Variants in GRID2 observed in about 807,000 individuals in gnomAD.
GRID2 encodes glutamate receptor ionotropic, delta-2.
In GRID2, 33 loss-of-function variants were observed where a neutral mutation model predicts 114.8. The observed-to-expected ratio is 0.29, with a 90% CI of 0.22 to 0.38. The LOEUF is 0.38. GRID2 is among the 10% of genes least tolerant of loss of function. GRID2 has a pLI of 1.00. For missense variants in GRID2, 1,184 were observed against 1,257.7 expected (o/e 0.94, Z 0.89); for synonymous variants, 505 against 449.9 (o/e 1.12, Z -1.55).
In GRID2 at chr4:92,486,584, C is replaced by T. The variant is rs1345707728; in HGVS notation, c.89-103547C>T. 4.0e-5 allele frequency among the ~76,000 whole-genome samples: 6 copies of T among 149,118 alleles called. No homozygotes were observed. In the South Asian group the frequency reaches 1.3e-3, roughly 31 times the overall value. On this transcript the variant is annotated intron_variant, in intron 1 of 15. Coordinates refer to ENST00000282020, the MANE Select transcript of GRID2 (RefSeq NM_001510.4). ...ACACACACACACACACACACACACA[C>T]ACACACAAACACAGATAATATAGTA...
At chr4:92,800,438 T>C (rs1490141222) in intron 2 of GRID2, among the ~76,000 whole-genome samples, 2 of 151,920 alleles carry the variant, frequency 1.3e-5, no homozygotes, top group African/African-American at 4.8e-5. Context: ...GGTTGTAGAT[T>C]GACACAACAT....
rs1161815489 is a variant in GRID2, at chr4:93,455,700, A to G, written c.1584A>G (p.Pro528=). The change falls in exon 11 of 16, where the codon CCA becomes CCG. Residue 528 remains proline (P), a synonymous_variant. Coordinates refer to ENST00000282020, the MANE Select transcript of GRID2 (RefSeq NM_001510.4). ...DIGISALTIT[P]DRENVVDFTT... ...GGATTTCTGCTTTAACCATCACTCC[A>G]GATCGTGAAAATGTGGTGGACTTTA... The G allele has an allele frequency of 1.2e-6, 2 of 1,613,134 alleles. No homozygotes were observed. Among genetic ancestry groups the G allele is most frequent in the South Asian group, 2.2e-5 (2 of 91,058 alleles).
intron 1 of GRID2, among the ~76,000 whole-genome samples, chr4:93,804,987 G>T (rs1252778968): frequency 6.6e-6 from 1 of 152,098 alleles, no homozygotes; most frequent in Non-Finnish European, 1.5e-5. Context: ...GCCTATCCAG[G>T]GCAGACTTTA....
intron 14 of GRID2, among the ~76,000 whole-genome samples, chr4:93,729,439 G>A (rs968966272): frequency 5.9e-5 from 9 of 151,982 alleles, no homozygotes; most frequent in African/African-American, 2.2e-4. Context: ...CAACAGTGTC[G>A]TATGTCTTCT....
chr4:93,461,206 G>C (rs190218537), intron 11 of GRID2, among the ~76,000 whole-genome samples: 1 of 152,038 alleles, frequency 6.6e-6, no homozygotes, highest in East Asian at 1.9e-4. Flanking sequence ...ATGCTGAATC[G>C]CATATGATTA....
chr4:92,570,739 G>C (rs1033527678), intron 1 of GRID2, among the ~76,000 whole-genome samples: 2 of 151,952 alleles, frequency 1.3e-5, no homozygotes, highest in Admixed American at 1.3e-4. Flanking sequence ...TTTGTGATTT[G>C]GTGCTCAGCT....
intron 2 of GRID2, among the ~76,000 whole-genome samples, chr4:92,678,639 G>A (rs542219651): frequency 1.3e-5 from 2 of 150,106 alleles, no homozygotes; most frequent in Admixed American, 6.7e-5. Flanking sequence ...ATAAATTGAT[G>A]AGCACCTTAA....
chr4:92,684,076 T>C lies in GRID2; in HGVS notation c.244+93790T>C, dbSNP rs1733783053. On this transcript the variant is annotated intron_variant, in intron 2 of 15. Coordinates refer to ENST00000282020, the MANE Select transcript of GRID2 (RefSeq NM_001510.4). ...TCTTTTAAAATAAATATAAAAGGTT[T>C]AGAAAATTTGATGTACTAGCAAGTA... is the stretch of plus-strand genomic sequence containing the variant. Among the ~76,000 whole-genome samples, 6 of 152,028 alleles carry C rather than the reference T, an allele frequency of 3.9e-5. No homozygotes were observed. In the South Asian group the frequency reaches 1.2e-3, roughly 31 times the overall value.
chr4:92,725,303 G>A (rs1736017473), intron 2 of GRID2, among the ~76,000 whole-genome samples: 1 of 152,030 alleles, frequency 6.6e-6, no homozygotes, highest in Non-Finnish European at 1.5e-5. Flanking sequence ...CACTGTCTCA[G>A]AATAAGGGAA....
intron 2 of GRID2, among the ~76,000 whole-genome samples, chr4:92,833,037 G>A (rs1742225177): frequency 6.6e-6 from 1 of 152,142 alleles, no homozygotes; most frequent in African/African-American, 2.4e-5. Context: ...AATAAGGCAT[G>A]TCCAACAGTT....
intron 8 of GRID2, among the ~76,000 whole-genome samples, chr4:93,278,512 G>A (rs543405910): frequency 5.9e-5 from 9 of 152,060 alleles, no homozygotes; most frequent in African/African-American, 2.2e-4. Context: ...GGAAGAAATG[G>A]TGACACAGGA....
intron 12 of GRID2, among the ~76,000 whole-genome samples, chr4:93,503,103 GA>G (rs2149476404): frequency 6.6e-6 from 1 of 152,238 alleles, no homozygotes; most frequent in African/African-American, 2.4e-5. Flanking sequence ...ACCTACTTGA[GA>G]ATAGAGGATA....
At chr4:92,661,109 G>A (rs1168669849) in intron 2 of GRID2, among the ~76,000 whole-genome samples, 2 of 150,844 alleles carry the variant, frequency 1.3e-5, no homozygotes, top group East Asian at 2.0e-4. Flanking sequence ...GTATGGAGGC[G>A]TTATTCGCAT....
At chr4:93,023,123 G>GTGTGTA (rs1553968150) in intron 2 of GRID2, among the ~76,000 whole-genome samples, 1 of 147,120 alleles carries the variant, frequency 6.8e-6, no homozygotes, top group Non-Finnish European at 1.5e-5. Context: ...GTGTGTGTGT[G>GTGTGTA]TGTATGTATG....
intron 7 of GRID2, among the ~76,000 whole-genome samples, chr4:93,235,598 C>T (rs558405339): frequency 1.1e-4 from 17 of 152,112 alleles, no homozygotes; most frequent in African/African-American, 3.9e-4. Flanking sequence ...TTTATTTGCT[C>T]GAAATACTGA....
chr4:92,343,695 TC>T (rs990331159), intron 1 of GRID2, among the ~76,000 whole-genome samples: 1 of 152,058 alleles, frequency 6.6e-6, no homozygotes, highest in African/African-American at 2.4e-5. Flanking sequence ...TGCCTCATCC[TC>T]CCGAGTAGTT....
At chr4:93,485,657 T>C (rs1001443870) in intron 11 of GRID2, among the ~76,000 whole-genome samples, 1 of 151,788 alleles carries the variant, frequency 6.6e-6, no homozygotes, top group African/African-American at 2.4e-5. Flanking sequence ...GTACATACTT[T>C]AGTGCCAGCT....
At chr4:93,459,180 C>CAAAAAAAA (rs57937928) in intron 11 of GRID2, among the ~76,000 whole-genome samples, 2 of 50,042 alleles carry the variant, frequency 4.0e-5, no homozygotes, top group Non-Finnish European at 7.0e-5. Context: ...AACTCCATCT[C>CAAAAAAAA]AAAAAAAAAA....
At chr4:93,054,896 G>A (rs778593248) in intron 2 of GRID2, among the ~76,000 whole-genome samples, 1 of 151,508 alleles carries the variant, frequency 6.6e-6, no homozygotes, top group African/African-American at 2.4e-5. Flanking sequence ...CTTACAACTA[G>A]ATATTTTAAA....
Sources: allele counts gnomAD v4.1 joint callset (sites outside exome capture counted in the v4.1 genomes callset), GRCh38; gene constraint gnomAD v4.1.1; transcripts MANE v1.5; gene names NCBI Gene and HGNC (gene_info 2026-07-23, HGNC 2026-07-21).